The following PDE4D variants were observed in gnomAD, a reference collection of about 807,000 sequenced individuals.
PDE4D encodes the protein phosphodiesterase 4D.
In PDE4D, 24 loss-of-function variants were observed where a neutral mutation model predicts 87.4. The observed-to-expected ratio is 0.27, with a 90% CI of 0.20 to 0.39. PDE4D has a LOEUF of 0.39. Among genes scored for constraint, PDE4D ranks in the 10% least tolerant of loss-of-function variants. PDE4D has a pLI of 1.00. For synonymous variants in PDE4D, 384 were observed against 383.2 expected, an observed-to-expected ratio of 1.00 and a Z score of -0.02; for missense variants, 714 against 1,041.0, an observed-to-expected ratio of 0.69 and a Z score of 4.32.
At chr5:59,420,864 C>T (rs961522725) in intron 1 of PDE4D, among the ~76,000 whole-genome samples, 4 of 151,996 alleles carry the variant, frequency 2.6e-5, no homozygotes, top group Admixed American at 2.0e-4. Context: ...CAGCACAAAC[C>T]AGAGCACATA....
chr5:60,485,189 CT>C (rs1749041547), intron 1 of PDE4D, among the ~76,000 whole-genome samples: 1 of 152,118 alleles, frequency 6.6e-6, no homozygotes, highest in Admixed American at 6.5e-5. Context: ...TGGTGGTGTG[CT>C]TTTTCTGTGG....
chr5:59,933,771 G>GAT (rs11442370), intron 3 of PDE4D, among the ~76,000 whole-genome samples: 269 of 25,996 alleles, frequency 0.01, 1 homozygote, highest in Admixed American at 0.02. Context: ...TGTAAAAGGA[G>GAT]ATATATATAT....
rs886473037 is a variant in PDE4D, at chr5:60,451,642, A to G, written c.-90+36300T>C. Among the ~76,000 whole-genome samples, 11 of 152,220 alleles carry G rather than the reference A, an allele frequency of 7.2e-5. No homozygotes were observed. In the East Asian group the frequency reaches 1.9e-3, roughly 27 times the overall value. ...ATATTAAGGATGTTGGAACCACTCCATATCTCCCAAGGAGGAAAACTTGCA... is the reference window on the plus strand; with the variant it reads ...ATATTAAGGATGTTGGAACCACTCCGTATCTCCCAAGGAGGAAAACTTGCA... On this transcript the variant is annotated intron_variant, in intron 1 of 16. Transcript: ENST00000502484.
intron 1 of PDE4D, among the ~76,000 whole-genome samples, chr5:59,514,952 G>C (rs1810907123): frequency 6.6e-6 from 1 of 152,188 alleles, no homozygotes; most frequent in Non-Finnish European, 1.5e-5. Context: ...TAAACCAAAT[G>C]TTAGCAAATA....
chr5:59,900,261 T>C (rs56259726), intron 3 of PDE4D, among the ~76,000 whole-genome samples: 2,374 of 132,852 alleles, frequency 0.018, 37 homozygotes, highest in Middle Eastern at 0.042. Context: ...TATATATATA[T>C]ATACACACAC....
At chr5:60,039,235 C>A (rs910141890) in intron 2 of PDE4D, among the ~76,000 whole-genome samples, 1 of 152,126 alleles carries the variant, frequency 6.6e-6, no homozygotes, top group Non-Finnish European at 1.5e-5. Flanking sequence ...GGCACATATA[C>A]ACCATGCAAT....
At position 59,155,447 on chromosome 5, in the gene PDE4D, A is replaced by T. The variant is rs533039451; in HGVS notation, c.808+25148T>A. On this transcript the variant is annotated intron_variant, in intron 5 of 14. Coordinates refer to ENST00000340635, the MANE Select transcript of PDE4D (RefSeq NM_001104631.2). ...AGAAGACAATTAGGAGTTCATTGGC[A>T]ACCAAGGGAGGGCAGCTGGAACAGA... Among the ~76,000 whole-genome samples, 15 of 152,338 alleles carry T rather than the reference A, an allele frequency of 9.8e-5. No homozygotes were observed. The South Asian group carries it at 1.7e-3, about 17-fold the overall frequency.
At chr5:59,749,270 T>C (rs1760079522) in intron 1 of PDE4D, among the ~76,000 whole-genome samples, 1 of 152,058 alleles carries the variant, frequency 6.6e-6, no homozygotes, top group Admixed American at 6.6e-5. Flanking sequence ...TTGTTGTTTC[T>C]TTGTTTTTGA....
At chr5:59,348,525 T>C (rs1282686492) in intron 1 of PDE4D, among the ~76,000 whole-genome samples, 1 of 152,106 alleles carries the variant, frequency 6.6e-6, no homozygotes, top group Non-Finnish European at 1.5e-5. Flanking sequence ...TTTTTGAATG[T>C]TTAATTCATT....
chr5:60,000,819 A>C (rs1763947656), intron 2 of PDE4D, among the ~76,000 whole-genome samples: 1 of 152,194 alleles, frequency 6.6e-6, no homozygotes, highest in Non-Finnish European at 1.5e-5. Flanking sequence ...TTTTGTATAG[A>C]GCTGTCTGCT....
chr5:60,048,799 T>A (rs1025951596), intron 2 of PDE4D, among the ~76,000 whole-genome samples: 1 of 152,156 alleles, frequency 6.6e-6, no homozygotes, highest in Non-Finnish European at 1.5e-5. Flanking sequence ...GCCCTTAACA[T>A]TTTTTCCTTC....
At chr5:59,994,914 C>T (rs1348280006) in intron 2 of PDE4D, among the ~76,000 whole-genome samples, 1 of 152,114 alleles carries the variant, frequency 6.6e-6, no homozygotes, top group Non-Finnish European at 1.5e-5. Flanking sequence ...ACCTTTGATG[C>T]TTGTGTCGGG....
intron 1 of PDE4D, among the ~76,000 whole-genome samples, chr5:59,644,128 A>G (rs1742065670): frequency 6.6e-6 from 1 of 152,188 alleles, no homozygotes; most frequent in African/African-American, 2.4e-5. Flanking sequence ...ACCATATTCT[A>G]CAGGGCAGGC....
At chr5:60,043,043 C>T (rs991781496) in intron 2 of PDE4D, among the ~76,000 whole-genome samples, 1 of 151,316 alleles carries the variant, frequency 6.6e-6, no homozygotes, top group African/African-American at 2.4e-5. Context: ...AAGCTAAGAA[C>T]ACTGAAAAAA....
chr5:60,103,807 C>T lies in PDE4D; in HGVS notation c.42+81750G>A, dbSNP rs796143527. On this transcript the variant is annotated intron_variant, in intron 2 of 16. Coordinates refer to the PDE4D transcript ENST00000502484. ...AACAGGGAAAAATCTAATTTACTTA[C>T]ATCTAGCATTAAGAAGAATATCAAA... Among the ~76,000 whole-genome samples, 9 of 152,082 alleles carry T rather than the reference C, an allele frequency of 5.9e-5. 1 individual carries two copies. Among genetic ancestry groups the T allele is most frequent in the East Asian group, 1.9e-4 (1 of 5,172 alleles).
At chr5:59,402,794 C>T (rs1180778424) in intron 1 of PDE4D, among the ~76,000 whole-genome samples, 1 of 151,696 alleles carries the variant, frequency 6.6e-6, no homozygotes, top group Non-Finnish European at 1.5e-5. Context: ...TTTTAAATTC[C>T]ATATTTCTAA....
At chr5:59,834,224 C>T (rs1241938181) in intron 1 of PDE4D, among the ~76,000 whole-genome samples, 1 of 152,024 alleles carries the variant, frequency 6.6e-6, no homozygotes, top group Non-Finnish European at 1.5e-5. Flanking sequence ...CTTTATTGAA[C>T]ACCTATTGTA....
chr5:59,285,559 A>AAAG (rs1561882872), intron 1 of PDE4D, among the ~76,000 whole-genome samples: 1 of 152,186 alleles, frequency 6.6e-6, no homozygotes, highest in African/African-American at 2.4e-5. Context: ...TTGCCAGGGT[A>AAAG]AAGAAATACA....
chr5:59,359,389 T>A (rs1274208288), intron 1 of PDE4D, among the ~76,000 whole-genome samples: 1 of 152,200 alleles, frequency 6.6e-6, no homozygotes, highest in East Asian at 1.9e-4. Flanking sequence ...TATTTTTTCT[T>A]AAATAATTAC....
Sources: allele counts gnomAD v4.1 joint callset (sites outside exome capture counted in the v4.1 genomes callset), GRCh38; gene constraint gnomAD v4.1.1; transcripts MANE v1.5; gene names NCBI Gene and HGNC (gene_info 2026-07-23, HGNC 2026-07-21).